The following BID variants were observed in gnomAD, a reference collection of about 807,000 sequenced individuals.
The protein encoded by BID is BH3 interacting domain death agonist, also known as BH3-interacting domain death agonist.
Under a neutral mutation model 17.4 loss-of-function variants are expected in BID, and 19 were observed. The ratio of observed to expected loss-of-function variants is 1.09; its 90% CI spans 0.76 to 1.60. BID has a LOEUF of 1.60. Ranked by LOEUF, BID falls within the 40% of genes most tolerant of loss-of-function variation. The pLI, the probability that BID is intolerant of heterozygous loss-of-function variation, is 0.00. For synonymous variants in BID, 108 were observed against 102.8 expected (o/e 1.05, Z -0.31); for missense variants, 226 against 256.0 (o/e 0.88, Z 0.80).
At chr22:17,764,230 T>C (rs1477858153) in intron 1 of BID, 1 of 154,614 alleles carries the variant, frequency 6.5e-6, no homozygotes, top group African/African-American at 2.4e-5. Context: ...CTGGTACTGC[T>C]AGTGCTGGGT....
At chr22:17,754,815 A>G (rs1341415341) in intron 1 of BID, among the ~76,000 whole-genome samples, 1 of 152,090 alleles carries the variant, frequency 6.6e-6, no homozygotes, top group African/African-American at 2.4e-5. Flanking sequence ...CCCAGGCTGG[A>G]GTACAATGGC....
chr22:17,756,406 TTTTCTCTTTCTTTCTTTCTTTCTTTCTTC>T (rs1156624687), intron 1 of BID, among the ~76,000 whole-genome samples: 1 of 133,506 alleles, frequency 7.5e-6, no homozygotes, highest in Non-Finnish European at 1.6e-5. Context: ...TTCTTTTCTT[TTTTCTCTTTCTTTCTTTCTTTCTTTCTTC>T]TTTCTTTCTT....
rs974011122 is a variant in BID at position 17,769,504 on chromosome 22, G to A, written c.-59+4877C>T. ...GCTTGGGTAAACAGGAACGGACGTGGCCATCAGGCCGGAAGGGTGTGTGGG... is the reference window on the plus strand; with the variant it reads ...GCTTGGGTAAACAGGAACGGACGTGACCATCAGGCCGGAAGGGTGTGTGGG... On this transcript the variant is annotated intron_variant, in intron 1 of 5. Coordinates refer to ENST00000622694, the MANE Select transcript of BID (RefSeq NM_001196.4). This position sits in a 1 kb window ranked among gnomAD's most constrained non-coding sequence, Gnocchi z 4.8. Among the ~76,000 whole-genome samples, 1 of 152,228 alleles carries A rather than the reference G, an allele frequency of 6.6e-6. No homozygotes were observed. The highest frequency in any genetic ancestry group is 2.4e-5 in the African/African-American group (1 of 41,450).
At chr22:17,751,168 C>G (rs559302456) in intron 1 of BID, among the ~76,000 whole-genome samples, 5 of 151,252 alleles carry the variant, frequency 3.3e-5, no homozygotes, top group Non-Finnish European at 5.9e-5. Context: ...GTCAGGAGAT[C>G]GAGACCATCC....
At chr22:17,738,657 G>A (rs1355224399) in intron 4 of BID, among the ~76,000 whole-genome samples, 3 of 152,154 alleles carry the variant, frequency 2.0e-5, no homozygotes, top group East Asian at 1.9e-4. Context: ...GGCGGTCGGC[G>A]CACATGCAGA....
intron 1 of BID, among the ~76,000 whole-genome samples, chr22:17,753,260 C>T (rs2061555241): frequency 6.6e-6 from 1 of 152,192 alleles, no homozygotes; most frequent in Non-Finnish European, 1.5e-5. Flanking sequence ...ACCACCGCGC[C>T]CAGCCCCCCA....
intron 2 of BID, among the ~76,000 whole-genome samples, chr22:17,745,425 C>G (rs986971801): frequency 5.3e-5 from 8 of 152,136 alleles, no homozygotes; most frequent in African/African-American, 1.9e-4. Flanking sequence ...CTCTGGGAGG[C>G]AGAGGCAGGA....
At position 17,735,309 on chromosome 22, in the gene BID, G is replaced by GTAGAT; in HGVS notation, c.*266_*270dup. ...CACAGTGGAAATAAAGGCACCGTGT[G>GTAGAT]TAGATTTACAGATGTGCAGATTCAT... On this transcript the variant is annotated 3_prime_UTR_variant, in exon 6 of 6. Transcript: ENST00000622694. The GTAGAT allele has an allele frequency of 2.1e-6, 1 of 470,066 alleles. No individual in the cohort carries two copies. Among genetic ancestry groups the GTAGAT allele is most frequent in the South Asian group, 3.1e-5 (1 of 32,184 alleles). The allele number at this position is 470,066 out of a possible 1,614,324, so 29.1% of individuals were successfully genotyped here.
chr22:17,740,067 C>T, intron 3 of BID: 2 of 1,609,908 alleles, frequency 1.2e-6, no homozygotes, highest in Non-Finnish European at 1.7e-6. Context: ...CTCCGTGCTG[C>T]CCCTGCCCGA....
Position 17,738,116 on chromosome 22 carries a change from C to CA in BID, c.476dup (p.Ala160GlyfsTer10). On this transcript the variant is annotated frameshift_variant, in exon 5 of 6. Coordinates refer to ENST00000622694, the MANE Select transcript of BID (RefSeq NM_001196.4). LOFTEE classifies it high-confidence loss of function. ...GGAGCAAGGACGGCGTGTGACTGGCCACCTTCTTGGCCAGCAGCAGGGCCA... is the reference window on the plus strand; with the variant it reads ...GGAGCAAGGACGGCGTGTGACTGGCCAACCTTCTTGGCCAGCAGCAGGGCCA... The CA allele has an allele frequency of 6.2e-7, 1 of 1,614,134 alleles. No individual in the cohort carries two copies. Among genetic ancestry groups the CA allele is most frequent in the Admixed American group, 1.7e-5 (1 of 60,012 alleles).
intron 1 of BID, among the ~76,000 whole-genome samples, chr22:17,765,135 G>A (rs1247398022): frequency 2.0e-5 from 3 of 152,022 alleles, no homozygotes; most frequent in East Asian, 1.9e-4. Flanking sequence ...CTGTGTGTCC[G>A]GCTCAAGACA....
intron 3 of BID, among the ~76,000 whole-genome samples, chr22:17,743,253 T>C (rs917683641): frequency 6.6e-6 from 1 of 152,240 alleles, no homozygotes. Context: ...CCTCAATCAA[T>C]GGGACAGTCA....
intron 1 of BID, among the ~76,000 whole-genome samples, chr22:17,759,087 T>C (rs533294003): frequency 2.4e-4 from 37 of 151,368 alleles, no homozygotes; most frequent in African/African-American, 6.6e-4. Context: ...AAAAATTAGC[T>C]GGGCGTGGTG....
chr22:17,763,444 G>A (rs5747350), intron 1 of BID, among the ~76,000 whole-genome samples: 78,572 of 151,410 alleles, frequency 0.52, 22,057 homozygotes, highest in East Asian at 0.73. Flanking sequence ...GGGTTCCTCC[G>A]TGCTGGTCAA....
At chr22:17,745,803 T>C (rs943928547) in intron 2 of BID, among the ~76,000 whole-genome samples, 8 of 151,908 alleles carry the variant, frequency 5.3e-5, no homozygotes, top group African/African-American at 1.9e-4. Context: ...TTGTCTCTAC[T>C]AAAAATACAA....
intron 3 of BID, chr22:17,740,214 T>C (rs2061449655): frequency 6.3e-7 from 1 of 1,581,856 alleles, no homozygotes; most frequent in African/African-American, 1.4e-5. Flanking sequence ...TGTGATTTTT[T>C]TAATCTGTTT....
rs1471611952 is a variant in BID, at chr22:17,774,367, G to C, written c.-59+14C>G. The C allele has an allele frequency of 1.1e-5, 2 of 179,046 alleles. No individual in the cohort carries two copies. The highest frequency in any genetic ancestry group is 1.6e-4 in the South Asian group (2 of 12,190). 11.1% of individuals were successfully genotyped at this position (179,046 alleles called of 1,614,324 possible). A position where few individuals can be genotyped will look rare whatever the true frequency, so the allele number is the denominator to read the frequency against. On this transcript the variant is annotated intron_variant, in intron 1 of 5. Transcript: ENST00000622694. The stretch of plus-strand genomic sequence containing the variant: ...GCTCGGCGCGTACCCCGGGAGGGGC[G>C]CGGGTGCACTCACCACCCTCCAGCC...
chr22:17,736,294 C>T lies in BID; in HGVS notation c.577-703G>A, dbSNP rs969367119. Among the ~76,000 whole-genome samples, 4 of 151,900 alleles carry T rather than the reference C, an allele frequency of 2.6e-5. 1 individual carries two copies. Among genetic ancestry groups the T allele is most frequent in the Admixed American group, 6.6e-5 (1 of 15,262 alleles). ...TAACATGGGAGAAACCTCATCTCTACTAAAAATACAAAATTAGCCGGTCAT... is the reference window on the plus strand; with the variant it reads ...TAACATGGGAGAAACCTCATCTCTATTAAAAATACAAAATTAGCCGGTCAT... On this transcript the variant is annotated intron_variant, in intron 5 of 5. Transcript: ENST00000622694.
In BID at chr22:17,735,067, A is replaced by G. The variant is rs1376692554; in HGVS notation, c.*513T>C. 1 of 154,702 alleles carries G rather than the reference A, an allele frequency of 6.5e-6. No individual in the cohort carries two copies. The highest frequency in any genetic ancestry group is 1.9e-4 in the East Asian group (1 of 5,234). The allele number at this position is 154,702 out of a possible 1,614,324, so 9.6% of individuals were successfully genotyped here. ...GGAAGATTGTTGGTTCCTTAGTATTAAGATAGATAGTCCCTATTTTGAGTG... is the reference window on the plus strand; with the variant it reads ...GGAAGATTGTTGGTTCCTTAGTATTGAGATAGATAGTCCCTATTTTGAGTG... On this transcript the variant is annotated 3_prime_UTR_variant, in exon 6 of 6. Transcript: ENST00000622694.
Sources: allele counts gnomAD v4.1 joint callset (sites outside exome capture counted in the v4.1 genomes callset), GRCh38; gene constraint gnomAD v4.1.1; non-coding constraint Gnocchi (gnomAD v3.1); transcripts MANE v1.5; gene names NCBI Gene and HGNC (gene_info 2026-07-23, HGNC 2026-07-21).